DPP10: variants seen among roughly 807,000 people sequenced by gnomAD.
DPP10 encodes the protein dipeptidyl peptidase like 10, also known as inactive dipeptidyl peptidase 10.
In DPP10, 33 loss-of-function variants were observed where a neutral mutation model predicts 120.9. The ratio of observed to expected loss-of-function variants is 0.27; its 90% CI spans 0.21 to 0.37. The LOEUF is 0.37. Ranked by LOEUF, DPP10 falls within the 10% of genes least tolerant of loss-of-function variation. DPP10 has a pLI of 1.00. For synonymous variants in DPP10, 337 were observed against 326.1 expected (o/e 1.03, Z -0.36); for missense variants, 816 against 942.8 (o/e 0.87, Z 1.76).
intron 3 of DPP10, among the ~76,000 whole-genome samples, chr2:115,434,390 C>T (rs1019628568): frequency 6.6e-6 from 1 of 151,822 alleles, no homozygotes; most frequent in African/African-American, 2.4e-5. Context: ...TGGGTCCTGG[C>T]AATACTTGGA....
intron 1 of DPP10, among the ~76,000 whole-genome samples, chr2:115,114,619 C>G (rs899831933): frequency 6.6e-6 from 1 of 152,204 alleles, no homozygotes; most frequent in Non-Finnish European, 1.5e-5. Context: ...CAAGTTCTAA[C>G]TCCACTTACC....
At chr2:114,729,157 G>A (rs558833009) in intron 1 of DPP10, among the ~76,000 whole-genome samples, 13 of 152,308 alleles carry the variant, frequency 8.5e-5, no homozygotes, top group African/African-American at 3.1e-4. Context: ...AATTCATGAA[G>A]AAAAGAATGT....
At chr2:114,479,073 T>G (rs10185478) in intron 1 of DPP10, among the ~76,000 whole-genome samples, 2,377 of 141,000 alleles carry the variant, frequency 0.017, 86 homozygotes, top group African/African-American at 0.06. Context: ...AAATTAAGCA[T>G]GTACAGAATC....
At chr2:114,855,249 C>T (rs1478153664) in intron 1 of DPP10, among the ~76,000 whole-genome samples, 1 of 152,140 alleles carries the variant, frequency 6.6e-6, no homozygotes, top group African/African-American at 2.4e-5. Flanking sequence ...GCTCATTTGA[C>T]ATAAGGCAGG....
At chr2:115,134,744 A>T (rs1466015451) in intron 1 of DPP10, among the ~76,000 whole-genome samples, 1 of 152,190 alleles carries the variant, frequency 6.6e-6, no homozygotes, top group Non-Finnish European at 1.5e-5. Flanking sequence ...TAGAAAAAAA[A>T]ATGACTGGAA....
chr2:115,615,113 C>A (rs1198250728), intron 5 of DPP10, among the ~76,000 whole-genome samples: 1 of 151,874 alleles, frequency 6.6e-6, no homozygotes, highest in African/African-American at 2.4e-5. Context: ...TTTAAGTTTA[C>A]ATTATACCTA....
intron 5 of DPP10, among the ~76,000 whole-genome samples, chr2:115,546,316 C>T (rs1322451087): frequency 2.0e-5 from 3 of 152,092 alleles, no homozygotes; most frequent in Non-Finnish European, 2.9e-5. Context: ...CGTATGTATA[C>T]GTAAGTGTAT....
intron 21 of DPP10, among the ~76,000 whole-genome samples, chr2:115,827,284 TAC>T (rs1688416660): frequency 6.8e-6 from 1 of 146,442 alleles, no homozygotes; most frequent in South Asian, 2.1e-4. Flanking sequence ...TGTATACACA[TAC>T]ATATATACAC....
At chr2:115,724,597 A>C (rs1655874125) in intron 7 of DPP10, among the ~76,000 whole-genome samples, 1 of 152,118 alleles carries the variant, frequency 6.6e-6, no homozygotes, top group African/African-American at 2.4e-5. Flanking sequence ...ATTTTGAAAA[A>C]CTGGAAGTTG....
intron 5 of DPP10, among the ~76,000 whole-genome samples, chr2:115,527,016 C>T (rs1380157539): frequency 6.6e-6 from 1 of 152,012 alleles, no homozygotes; most frequent in Non-Finnish European, 1.5e-5. Context: ...AAATACTTGA[C>T]ATTTATAGAC....
intron 1 of DPP10, among the ~76,000 whole-genome samples, chr2:114,476,052 G>C (rs1395938314): frequency 6.6e-6 from 1 of 152,114 alleles, no homozygotes; most frequent in African/African-American, 2.4e-5. Flanking sequence ...TCTCTTGGGT[G>C]GAAGTAGTTT....
At chr2:114,654,135 T>C (rs1696805653) in intron 1 of DPP10, among the ~76,000 whole-genome samples, 1 of 152,184 alleles carries the variant, frequency 6.6e-6, no homozygotes, top group Non-Finnish European at 1.5e-5. Context: ...TTACCCCTAC[T>C]GTCCTACTGC....
At chr2:114,523,256 T>C (rs1042674030) in intron 1 of DPP10, among the ~76,000 whole-genome samples, 4 of 152,164 alleles carry the variant, frequency 2.6e-5, no homozygotes, top group Admixed American at 1.3e-4. Flanking sequence ...TGGACTTTTG[T>C]TCCCTCCTTT....
intron 3 of DPP10, among the ~76,000 whole-genome samples, chr2:115,451,067 A>T (rs1039432999): frequency 6.6e-6 from 1 of 151,908 alleles, no homozygotes; most frequent in Admixed American, 6.6e-5. Context: ...AGCACAAGAT[A>T]GGGATTTCTG....
At chr2:114,711,097 G>A (rs946637649) in intron 1 of DPP10, among the ~76,000 whole-genome samples, 4 of 152,052 alleles carry the variant, frequency 2.6e-5, no homozygotes, top group Non-Finnish European at 4.4e-5. Flanking sequence ...AAAAGATTAA[G>A]GTCAGGAAAA....
chr2:114,750,565 C>T (rs2106037364), intron 1 of DPP10, among the ~76,000 whole-genome samples: 2 of 152,180 alleles, frequency 1.3e-5, no homozygotes, highest in South Asian at 4.2e-4. Context: ...GATCTCCTAA[C>T]CTCGTGATCC....
chr2:115,370,734 G>A (rs532069434), intron 3 of DPP10, among the ~76,000 whole-genome samples: 3 of 152,120 alleles, frequency 2.0e-5, no homozygotes, highest in African/African-American at 4.8e-5. Context: ...TCCAATTTTA[G>A]CATGTATCAG....
chr2:114,978,143 T>C (rs960666888), intron 1 of DPP10, among the ~76,000 whole-genome samples: 3 of 152,190 alleles, frequency 2.0e-5, no homozygotes, highest in Non-Finnish European at 4.4e-5. Flanking sequence ...TGTCCTGACA[T>C]TGGCAACGTT....
chr2:115,096,560 C>T (rs928626370), intron 1 of DPP10, among the ~76,000 whole-genome samples: 2 of 152,058 alleles, frequency 1.3e-5, no homozygotes, highest in African/African-American at 2.4e-5. Flanking sequence ...TACATATACA[C>T]ATACATATAC....
Sources: allele counts gnomAD v4.1 joint callset (sites outside exome capture counted in the v4.1 genomes callset), GRCh38; gene constraint gnomAD v4.1.1; transcripts MANE v1.5; gene names NCBI Gene and HGNC (gene_info 2026-07-23, HGNC 2026-07-21).